PDE4D: variants seen among roughly 807,000 people sequenced by gnomAD.
PDE4D encodes the protein 3',5'-cyclic-AMP phosphodiesterase 4D.
PDE4D carries 24 observed loss-of-function variants against 87.4 expected under a neutral mutation model. That is an observed-to-expected ratio of 0.27 (90% CI 0.20 to 0.39). The LOEUF (loss-of-function observed/expected upper bound fraction) is 0.39, where lower values mean the gene tolerates loss of function less well. Ranked by LOEUF, PDE4D falls within the 10% of genes least tolerant of loss-of-function variation. The pLI is 1.00. For missense variants in PDE4D, 714 were observed against 1,041.0 expected (o/e 0.69, Z 4.32); for synonymous variants, 384 against 383.2 (o/e 1.00, Z -0.02).
chr5:60,395,109 G>A (rs115695565), intron 1 of PDE4D, among the ~76,000 whole-genome samples: 50 of 152,270 alleles, frequency 3.3e-4, no homozygotes, highest in African/African-American at 1.2e-3. Flanking sequence ...TACAGGTGCG[G>A]TGGGATTCTC....
At chr5:59,548,421 A>C (rs1009214429) in intron 1 of PDE4D, among the ~76,000 whole-genome samples, 1 of 152,168 alleles carries the variant, frequency 6.6e-6, no homozygotes, top group African/African-American at 2.4e-5. Flanking sequence ...TCATTCATTC[A>C]ACAAATGCTT....
At chr5:60,272,671 T>A (rs116215121) in intron 1 of PDE4D, among the ~76,000 whole-genome samples, 1 of 152,124 alleles carries the variant, frequency 6.6e-6, no homozygotes, top group African/African-American at 2.4e-5. Context: ...TGGAATTGTA[T>A]CAGTTAGACA....
chr5:59,530,028 T>C (rs949000992), intron 1 of PDE4D, among the ~76,000 whole-genome samples: 2 of 152,186 alleles, frequency 1.3e-5, no homozygotes, highest in South Asian at 2.1e-4. Context: ...GGTTACCCAC[T>C]AGGTCAGGGT....
At chr5:59,304,778 T>G (rs890421960) in intron 1 of PDE4D, among the ~76,000 whole-genome samples, 3 of 152,190 alleles carry the variant, frequency 2.0e-5, no homozygotes, top group Non-Finnish European at 4.4e-5. Flanking sequence ...CTTTTTGATA[T>G]GTTGTTGGAT....
chr5:60,306,880 AC>A (rs1199279232), intron 1 of PDE4D, among the ~76,000 whole-genome samples: 1 of 152,148 alleles, frequency 6.6e-6, no homozygotes, highest in South Asian at 2.1e-4. Flanking sequence ...AAAAAGCAAA[AC>A]AAAAATTGTA....
chr5:59,277,223 C>T (rs769368046), intron 1 of PDE4D, among the ~76,000 whole-genome samples: 4 of 152,134 alleles, frequency 2.6e-5, no homozygotes. Flanking sequence ...CATCTGCTCC[C>T]CTGGTCACAC....
chr5:59,115,514 C>G (rs1409153148), intron 5 of PDE4D, among the ~76,000 whole-genome samples: 1 of 152,132 alleles, frequency 6.6e-6, no homozygotes, highest in Non-Finnish European at 1.5e-5. Context: ...ACCACATGAC[C>G]AAGCTTGTAT....
intron 6 of PDE4D, among the ~76,000 whole-genome samples, chr5:59,033,578 A>G (rs1352845098): frequency 2.0e-5 from 3 of 152,244 alleles, no homozygotes; most frequent in Non-Finnish European, 2.9e-5. Context: ...TCATGTATTT[A>G]TATCTTAAGT....
At chr5:60,243,850 C>T (rs1435627886) in intron 1 of PDE4D, among the ~76,000 whole-genome samples, 1 of 151,882 alleles carries the variant, frequency 6.6e-6, no homozygotes, top group Non-Finnish European at 1.5e-5. Flanking sequence ...TAGTATCACA[C>T]TAAAGGAAGA....
intron 5 of PDE4D, among the ~76,000 whole-genome samples, chr5:59,131,597 A>AAC (rs34161581): frequency 0.038 from 4,482 of 117,928 alleles, 89 homozygotes; most frequent in Middle Eastern, 0.077. Context: ...GCCAATTTAA[A>AAC]ACACACACAC....
intron 3 of PDE4D, among the ~76,000 whole-genome samples, chr5:59,956,940 T>C (rs1379287754): frequency 6.6e-6 from 1 of 152,190 alleles, no homozygotes; most frequent in Admixed American, 6.5e-5. Context: ...TAAATTCTTA[T>C]TCTGAAAAAC....
intron 1 of PDE4D, among the ~76,000 whole-genome samples, chr5:60,216,110 G>A (rs1378534992): frequency 6.6e-6 from 1 of 152,038 alleles, no homozygotes. Flanking sequence ...GCATCTCCTT[G>A]GAACCAGTAA....
At chr5:59,596,782 GGCAGCAAATATTAATATTT>G (rs57790565) in intron 1 of PDE4D, among the ~76,000 whole-genome samples, 5,213 of 152,016 alleles carry the variant, frequency 0.034, 263 homozygotes, top group African/African-American at 0.11. Context: ...TCATTTACTA[GGCAGCAAATATTAATATTT>G]GCTCTTTGGA....
At chr5:59,970,548 A>C (rs1484835663) in intron 3 of PDE4D, among the ~76,000 whole-genome samples, 1 of 152,238 alleles carries the variant, frequency 6.6e-6, no homozygotes, top group Non-Finnish European at 1.5e-5. Context: ...GTGGTGAAGG[A>C]CATGAACAGA....
At chr5:60,240,512 C>T (rs1362522365) in intron 1 of PDE4D, among the ~76,000 whole-genome samples, 1 of 152,060 alleles carries the variant, frequency 6.6e-6, no homozygotes, top group African/African-American at 2.4e-5. Context: ...CTTAAGTGAA[C>T]AGTACCTTAA....
intron 3 of PDE4D, among the ~76,000 whole-genome samples, chr5:59,974,953 G>A (rs755527313): frequency 2.6e-5 from 4 of 151,982 alleles, no homozygotes; most frequent in Non-Finnish European, 5.9e-5. Flanking sequence ...TTGACTCTTC[G>A]CTAAAGATGT....
chr5:60,100,555 T>C (rs1776113137), intron 2 of PDE4D, among the ~76,000 whole-genome samples: 1 of 151,928 alleles, frequency 6.6e-6, no homozygotes, highest in African/African-American at 2.4e-5. Flanking sequence ...CAATGTAAAA[T>C]AGCACCAGTG....
chr5:59,437,720 T>A (rs768863465), intron 1 of PDE4D, among the ~76,000 whole-genome samples: 1 of 151,864 alleles, frequency 6.6e-6, no homozygotes, highest in Admixed American at 6.6e-5. Context: ...AAAAAAAGCA[T>A]ACAATTCATT....
chr5:60,040,115 C>A (rs1043734198), intron 2 of PDE4D, among the ~76,000 whole-genome samples: 11 of 152,164 alleles, frequency 7.2e-5, no homozygotes, highest in Non-Finnish European at 1.2e-4. Context: ...GAATATTGGA[C>A]TAATTTATCT....
Sources: gnomAD v4.1 joint callset for allele counts (sites outside exome capture counted in the v4.1 genomes callset) on GRCh38, gnomAD v4.1.1 for gene constraint, MANE v1.5 for transcripts, NCBI Gene and HGNC (gene_info 2026-07-23, HGNC 2026-07-21) for gene names.